The following ADAMTS6 variants were observed in gnomAD, a reference collection of about 807,000 sequenced individuals.
ADAMTS6 encodes the protein A disintegrin and metalloproteinase with thrombospondin motifs 6.
Under a neutral mutation model 144.3 loss-of-function variants are expected in ADAMTS6, and 23 were observed. That is an observed-to-expected ratio of 0.16 (90% CI 0.11 to 0.23). The LOEUF is 0.23. Among genes scored for constraint, ADAMTS6 ranks in the 10% least tolerant of loss-of-function variants. The pLI is 1.00. For missense variants in ADAMTS6, 999 were observed against 1,379.6 expected (o/e 0.72, Z 4.37); for synonymous variants, 444 against 457.5 (o/e 0.97, Z 0.38).
At chr5:65,401,109 G>A (rs905436437) in intron 7 of ADAMTS6, among the ~76,000 whole-genome samples, 4 of 151,888 alleles carry the variant, frequency 2.6e-5, no homozygotes, top group Non-Finnish European at 5.9e-5. Context: ...ATTTTTTCTT[G>A]ACAGCCAGAC....
intron 7 of ADAMTS6, among the ~76,000 whole-genome samples, chr5:65,403,469 C>G (rs1382716374): frequency 6.6e-6 from 1 of 152,130 alleles, no homozygotes; most frequent in East Asian, 1.9e-4. Context: ...AATTCTCGAT[C>G]TTCCCCTATA....
chr5:65,164,688 A>C (rs1471620319), intron 24 of ADAMTS6, among the ~76,000 whole-genome samples: 2 of 148,172 alleles, frequency 1.3e-5, no homozygotes, highest in Non-Finnish European at 3.0e-5. Context: ...AGATCTGAGA[A>C]CGGGCAGACT....
At chr5:65,302,317 A>G (rs1580341224) in intron 9 of ADAMTS6, among the ~76,000 whole-genome samples, 1 of 144,994 alleles carries the variant, frequency 6.9e-6, no homozygotes, top group South Asian at 2.1e-4. Flanking sequence ...TATTATATAC[A>G]TATACATGTA....
intron 9 of ADAMTS6, among the ~76,000 whole-genome samples, chr5:65,306,581 T>A (rs1324569501): frequency 1.3e-5 from 2 of 152,220 alleles, no homozygotes; most frequent in East Asian, 3.8e-4. Flanking sequence ...AAATAGATTT[T>A]TGGGTCATAA....
chr5:65,208,103 A>G (rs564442535), intron 20 of ADAMTS6, among the ~76,000 whole-genome samples: 2 of 152,296 alleles, frequency 1.3e-5, no homozygotes, highest in East Asian at 3.9e-4. Context: ...CATCCCAGAT[A>G]CTCATTCCTA....
At chr5:65,409,717 T>A (rs897959317) in intron 7 of ADAMTS6, among the ~76,000 whole-genome samples, 3 of 152,058 alleles carry the variant, frequency 2.0e-5, no homozygotes, top group Non-Finnish European at 4.4e-5. Flanking sequence ...TAGACCAATA[T>A]CCCTGATGAA....
intron 21 of ADAMTS6, among the ~76,000 whole-genome samples, chr5:65,193,692 AT>A: frequency 6.8e-6 from 1 of 148,088 alleles, no homozygotes; most frequent in South Asian, 2.1e-4. Context: ...AAAGACTAAC[AT>A]GTGCTTCCAT....
chr5:65,449,958 G>C (rs913671310), intron 7 of ADAMTS6, among the ~76,000 whole-genome samples: 1 of 152,180 alleles, frequency 6.6e-6, no homozygotes, highest in African/African-American at 2.4e-5. Context: ...TCATATTTGG[G>C]AAGACAGGGC....
chr5:65,189,323 A>T (rs549506165), intron 21 of ADAMTS6, among the ~76,000 whole-genome samples: 1 of 152,328 alleles, frequency 6.6e-6, no homozygotes, highest in East Asian at 1.9e-4. Flanking sequence ...AATCAGATCA[A>T]TGAGAATTCT....
chr5:65,369,613 A>G (rs1170836520), intron 7 of ADAMTS6, among the ~76,000 whole-genome samples: 3 of 152,110 alleles, frequency 2.0e-5, no homozygotes, highest in African/African-American at 2.4e-5. Flanking sequence ...CACAGAAAAC[A>G]ACTAATAAAT....
chr5:65,291,250 T>G (rs761308633), intron 11 of ADAMTS6, 79 bp downstream of exon 11: 2 of 1,492,108 alleles, frequency 1.3e-6, no homozygotes, highest in Non-Finnish European at 1.8e-6. Context: ...GAACCGACAT[T>G]CATCGTAATT....
intron 9 of ADAMTS6, among the ~76,000 whole-genome samples, chr5:65,310,840 T>C (rs1338915119): frequency 6.6e-6 from 1 of 152,244 alleles, no homozygotes; most frequent in African/African-American, 2.4e-5. Flanking sequence ...ACTCTGATTT[T>C]ATTTTATGTT....
rs373467782 is a variant in ADAMTS6 at position 65,300,165 on chromosome 5, A to T, written c.1224-34T>A. 5 of 1,591,846 alleles carry T rather than the reference A, an allele frequency of 3.1e-6. No homozygotes were observed. The African/African-American group carries it at 6.8e-5, about 22-fold the overall frequency. ...ATGAGGAAGAAACATAGAATAAATA[A>T]ATAAGAAAAAAACCCCAACACATCC... On this transcript the variant is annotated intron_variant, in intron 9 of 24. Transcript: ENST00000381055.
chr5:65,280,126 CA>C (rs1762876001), intron 11 of ADAMTS6, among the ~76,000 whole-genome samples: 1 of 152,112 alleles, frequency 6.6e-6, no homozygotes, highest in South Asian at 2.1e-4. Context: ...TTATGGGAGC[CA>C]TTTTTTGCCT....
At chr5:65,455,558 A>T (rs1759123689) in intron 4 of ADAMTS6, among the ~76,000 whole-genome samples, 1 of 152,230 alleles carries the variant, frequency 6.6e-6, no homozygotes, top group African/African-American at 2.4e-5. Context: ...TAAAAAATTA[A>T]AAAAGAGAAC....
chr5:65,286,283 T>C (rs1249533693), intron 11 of ADAMTS6, among the ~76,000 whole-genome samples: 1 of 152,206 alleles, frequency 6.6e-6, no homozygotes, highest in Non-Finnish European at 1.5e-5. Context: ...TAGGTCATAG[T>C]AATAGTTTAT....
intron 14 of ADAMTS6, among the ~76,000 whole-genome samples, chr5:65,248,775 T>C (rs1759876521): frequency 6.6e-6 from 1 of 152,114 alleles, no homozygotes; most frequent in Admixed American, 6.6e-5. Flanking sequence ...CAACAGAGCC[T>C]GACTGTCTCC....
chr5:65,258,577 G>A (rs949385319), intron 14 of ADAMTS6, among the ~76,000 whole-genome samples: 5 of 152,152 alleles, frequency 3.3e-5, no homozygotes, highest in Non-Finnish European at 7.3e-5. Context: ...CCTCATAAAA[G>A]GCTATTAGAG....
At chr5:65,179,943 C>T (rs1203437743) in intron 22 of ADAMTS6, among the ~76,000 whole-genome samples, 2 of 107,254 alleles carry the variant, frequency 1.9e-5, no homozygotes, top group East Asian at 2.2e-4. Flanking sequence ...CAAACACACA[C>T]ATGTGCACGC....
Sources: gnomAD v4.1 joint callset for allele counts (sites outside exome capture counted in the v4.1 genomes callset) on GRCh38, gnomAD v4.1.1 for gene constraint, MANE v1.5 for transcripts, NCBI Gene and HGNC (gene_info 2026-07-23, HGNC 2026-07-21) for gene names.